ZFAND4: variants seen among roughly 807,000 people sequenced by gnomAD.
ZFAND4 encodes the protein zinc finger AN1-type containing 4, also known as AN1-type zinc finger protein 4.
A neutral mutation model predicts 64.4 loss-of-function variants in ZFAND4; 43 were observed. That is an observed-to-expected ratio of 0.67 (90% confidence interval 0.52 to 0.86). ZFAND4 has a LOEUF of 0.86. ZFAND4 is among the 40% of genes least tolerant of loss of function. ZFAND4 has a pLI of 0.00. For synonymous variants in ZFAND4, 296 were observed against 305.7 expected, an observed-to-expected ratio of 0.97 and a Z score of 0.33; for missense variants, 929 against 859.8, an observed-to-expected ratio of 1.08 and a Z score of -1.01.
chr10:45,626,511 G>C lies in ZFAND4; in HGVS notation c.1312C>G (p.Pro438Ala). The C allele has an allele frequency of 1.9e-6, 3 of 1,613,928 alleles. No individual in the cohort carries two copies. Among genetic ancestry groups the C allele is most frequent in the Middle Eastern group, 1.6e-4 (1 of 6,062 alleles). The change falls in exon 7 of 10, where the codon CCA (proline) becomes GCA (alanine). Residue 438 changes from proline to alanine, a missense_variant. Transcript: ENST00000344646. ...LTNADKGLKAPEQHLKHVAGV... is the reference protein window; with the variant it reads ...LTNADKGLKAAEQHLKHVAGV... ...GCAACATGCTTGAGATGCTGCTCTG[G>C]AGCTTTCAACCCTTTGTCAGCATTA...
intron 2 of ZFAND4, among the ~76,000 whole-genome samples, chr10:45,657,625 A>G (rs1017671986): frequency 1.3e-5 from 2 of 152,240 alleles, no homozygotes; most frequent in African/African-American, 4.8e-5. Context: ...TGCTTCCATA[A>G]AAATGTGTAT....
chr10:45,657,014 C>CTTT (rs199943085), intron 2 of ZFAND4, among the ~76,000 whole-genome samples: 4 of 137,244 alleles, frequency 2.9e-5, no homozygotes, highest in Non-Finnish European at 1.6e-5. Context: ...GCAACCTGAA[C>CTTT]TTTTTTTTTT....
chr10:45,629,104 T>C (rs903754766), intron 6 of ZFAND4, among the ~76,000 whole-genome samples: 1 of 151,876 alleles, frequency 6.6e-6, no homozygotes, highest in East Asian at 1.9e-4. Context: ...TGAGACAGGG[T>C]CTGGCTCTGT....
Position 45,648,455 on chromosome 10 carries a change from G to A in ZFAND4, c.408C>T (p.Cys136=). ...ATACCAAAAATGTAACTTGTTTGCTGCAGGAGGTCTTCTCCCAGACCTCAA... is the reference window on the plus strand; with the variant it reads ...ATACCAAAAATGTAACTTGTTTGCTACAGGAGGTCTTCTCCCAGACCTCAA... The part of the protein sequence containing the change: ...SRVEVWEKTS[C]SKQVTFLVYQ... Residue 136 remains cysteine (C), a synonymous_variant, in exon 5 of 10, where the codon TGC becomes TGT. Transcript: ENST00000344646. 1 of 1,613,802 alleles carries A rather than the reference G, an allele frequency of 6.2e-7. No individual in the cohort carries two copies. The highest frequency in any genetic ancestry group is 8.5e-7 in the Non-Finnish European group (1 of 1,179,898).
intron 5 of ZFAND4, chr10:45,640,315 T>C (rs1466233254): frequency 1.4e-5 from 17 of 1,249,322 alleles, no homozygotes; most frequent in Admixed American, 6.5e-5. Context: ...AGGCTGATAA[T>C]TGTGCAACCC....
intron 1 of ZFAND4, among the ~76,000 whole-genome samples, chr10:45,670,670 A>G (rs905250996): frequency 1.3e-5 from 2 of 152,234 alleles, no homozygotes; most frequent in African/African-American, 4.8e-5. Flanking sequence ...TACACCTTAT[A>G]CAAAAATTAA....
At chr10:45,639,241 G>A (rs1204898789) in intron 6 of ZFAND4, among the ~76,000 whole-genome samples, 1 of 152,078 alleles carries the variant, frequency 6.6e-6, no homozygotes, top group African/African-American at 2.4e-5. Flanking sequence ...AAATATAGGT[G>A]TTTTATTAAA....
chr10:45,671,253 G>A (rs959074702), intron 1 of ZFAND4, among the ~76,000 whole-genome samples: 2 of 152,200 alleles, frequency 1.3e-5, no homozygotes, highest in East Asian at 1.9e-4. Context: ...TAGTTCAACC[G>A]TTGTGGAAAA....
At chr10:45,655,279 G>A (rs1713714928) in intron 2 of ZFAND4, among the ~76,000 whole-genome samples, 1 of 152,134 alleles carries the variant, frequency 6.6e-6, no homozygotes, top group Admixed American at 6.6e-5. Flanking sequence ...AAATCAAGAT[G>A]GAGATTTAAA....
intron 1 of ZFAND4, among the ~76,000 whole-genome samples, chr10:45,668,182 T>C (rs2048956820): frequency 1.3e-5 from 2 of 152,220 alleles, no homozygotes; most frequent in African/African-American, 4.8e-5. Context: ...AAATATTTCC[T>C]CAGGATTTCT....
chr10:45,632,729 G>A (rs1589290740), intron 6 of ZFAND4, among the ~76,000 whole-genome samples: 1 of 152,168 alleles, frequency 6.6e-6, no homozygotes, highest in Non-Finnish European at 1.5e-5. Flanking sequence ...AGAAAGCATA[G>A]AGAAGGAAAC....
At chr10:45,671,874 A>C (rs898887011) in intron 1 of ZFAND4, among the ~76,000 whole-genome samples, 1 of 152,194 alleles carries the variant, frequency 6.6e-6, no homozygotes, top group Non-Finnish European at 1.5e-5. Context: ...TCTTCTGAAA[A>C]GTTTCTAAAA....
chr10:45,624,227 G>A (rs2045634183), intron 8 of ZFAND4, among the ~76,000 whole-genome samples: 1 of 152,154 alleles, frequency 6.6e-6, no homozygotes, highest in Non-Finnish European at 1.5e-5. Context: ...TGGCCATGAT[G>A]TTGAAAGACA....
intron 4 of ZFAND4, 21 bp downstream of exon 4, chr10:45,651,945 T>G: frequency 6.2e-7 from 1 of 1,603,790 alleles, no homozygotes; most frequent in Non-Finnish European, 8.5e-7. Flanking sequence ...TCAAATTGCT[T>G]TAATATATAT....
At chr10:45,649,273 G>C (rs1381066846) in intron 4 of ZFAND4, among the ~76,000 whole-genome samples, 12 of 151,958 alleles carry the variant, frequency 7.9e-5, no homozygotes, top group Admixed American at 7.9e-4. Context: ...ATTCTTAAGA[G>C]CTGTTCCTTG....
In ZFAND4 at chr10:45,665,535, C is replaced by T. The variant is rs944254125; in HGVS notation, c.-117-1693G>A. Among the ~76,000 whole-genome samples, 11 of 151,924 alleles carry T rather than the reference C, an allele frequency of 7.2e-5. No individual in the cohort carries two copies. The South Asian group carries it at 2.3e-3, about 32-fold the overall frequency. On this transcript the variant is annotated intron_variant, in intron 1 of 9. Transcript: ENST00000344646. ...CAACCTGGGTGACAGAGCAAGACTC[C>T]ATCATTAAATAAGAAAAAAAAAGCT... is the stretch of plus-strand genomic sequence containing the variant.
intron 5 of ZFAND4, among the ~76,000 whole-genome samples, chr10:45,643,042 T>G (rs909908664): frequency 6.8e-6 from 1 of 146,734 alleles, no homozygotes; most frequent in Non-Finnish European, 1.5e-5. Context: ...TGCCTCAGCC[T>G]CCCTAGTAGC....
At chr10:45,660,829 C>G (rs999918555) in intron 2 of ZFAND4, among the ~76,000 whole-genome samples, 4 of 151,946 alleles carry the variant, frequency 2.6e-5, no homozygotes, top group African/African-American at 9.7e-5. Flanking sequence ...TATTATCCTT[C>G]AGAAATGAAG....
At chr10:45,616,852 T>C (rs958859217) in intron 9 of ZFAND4, among the ~76,000 whole-genome samples, 3 of 152,178 alleles carry the variant, frequency 2.0e-5, no homozygotes, top group Admixed American at 2.0e-4. Context: ...CCCAGCACTT[T>C]GGGAAGCCGA....
Sources: allele counts gnomAD v4.1 joint callset (sites outside exome capture counted in the v4.1 genomes callset), GRCh38; gene constraint gnomAD v4.1.1; transcripts MANE v1.5; gene names NCBI Gene and HGNC (gene_info 2026-07-23, HGNC 2026-07-21).